RPL26L1: variants seen among roughly 807,000 people sequenced by gnomAD.
RPL26L1 encodes ribosomal protein L26 like 1, also known as ribosomal protein uL24-like.
Under a neutral mutation model 15.2 loss-of-function variants are expected in RPL26L1, and 8 were observed. The observed-to-expected ratio is 0.53, with a 90% CI of 0.31 to 0.95. RPL26L1 has a LOEUF of 0.95. Ranked by LOEUF, RPL26L1 falls within the 40% of genes least tolerant of loss-of-function variation. The pLI is 0.05. For missense variants in RPL26L1, 146 were observed against 190.9 expected (o/e 0.76, Z 1.39); for synonymous variants, 51 against 65.9 (o/e 0.77, Z 1.09).
chr5:172,959,367 C>A (rs1755124683), upstream of RPL26L1: 2 of 1,003,312 alleles, frequency 2.0e-6, no homozygotes, highest in East Asian at 9.8e-5. Flanking sequence ...CATTCGACTT[C>A]GCTCCTACGG....
intron 2 of RPL26L1, among the ~76,000 whole-genome samples, chr5:172,961,327 T>TA (rs1755227949): frequency 6.6e-6 from 1 of 152,144 alleles, no homozygotes; most frequent in South Asian, 2.1e-4. Flanking sequence ...TGCAAATACT[T>TA]ATAGGGGATA....
Position 172,962,745 on chromosome 5 carries a change from G to C in RPL26L1, c.168+2704G>C, listed in dbSNP as rs113741426. On this transcript the variant is annotated intron_variant, in intron 2 of 3. Coordinates refer to ENST00000265100, the MANE Select transcript of RPL26L1 (RefSeq NM_016093.4). The stretch of plus-strand genomic sequence containing the variant: ...GCAGGAGAATGGCGTGAACCCGGGA[G>C]GGGGAGCTTCCAATGAGCCAAGATC... Among the ~76,000 whole-genome samples the C allele has an allele frequency of 4.2e-3, 637 of 150,392 alleles. 2 individuals carry two copies. Among genetic ancestry groups the C allele is most frequent in the Non-Finnish European group, 7.4e-3 (499 of 67,676 alleles).
intron 3 of RPL26L1, 83 bp downstream of exon 3, chr5:172,968,682 C>G: frequency 6.5e-7 from 1 of 1,534,704 alleles, no homozygotes; most frequent in Non-Finnish European, 8.9e-7. Flanking sequence ...GTACTCCCTG[C>G]ACAGTTGGCT....
In RPL26L1 at chr5:172,962,245, G is replaced by A. The variant is rs138642308; in HGVS notation, c.168+2204G>A. ...TGGCAGGCTGGGCATGATGGCTCAC[G>A]CCTGTAATCCTAGCAGTTTGGGAGG... On this transcript the variant is annotated intron_variant, in intron 2 of 3. Coordinates refer to ENST00000265100, the MANE Select transcript of RPL26L1 (RefSeq NM_016093.4). Among the ~76,000 whole-genome samples, 1,411 of 152,320 alleles carry A rather than the reference G, an allele frequency of 9.3e-3. 22 individuals are homozygous for A. Among genetic ancestry groups the A allele is most frequent in the African/African-American group, 0.032 (1,334 of 41,578 alleles).
At chr5:172,960,092 G>A (rs778832455) in intron 2 of RPL26L1, 51 bp downstream of exon 2, 2 of 1,603,220 alleles carry the variant, frequency 1.2e-6, no homozygotes, top group Non-Finnish European at 8.5e-7. Context: ...GCCTAAGAAC[G>A]TCATGCGTGG....
At chr5:172,963,391 T>C (rs1328512762) in intron 2 of RPL26L1, among the ~76,000 whole-genome samples, 3 of 143,932 alleles carry the variant, frequency 2.1e-5, no homozygotes, top group African/African-American at 2.5e-5. Flanking sequence ...AAAAAAAAAA[T>C]CTAAAATCAT....
chr5:172,960,126 C>G, intron 2 of RPL26L1, 85 bp downstream of exon 2: 1 of 1,510,064 alleles, frequency 6.6e-7, no homozygotes, highest in Non-Finnish European at 9.2e-7. Flanking sequence ...TCACATGCCT[C>G]AGGACTCTGG....
upstream of RPL26L1, chr5:172,954,670 TTTGG>T (rs1195439085): frequency 7.9e-6 from 2 of 253,610 alleles, no homozygotes; most frequent in Non-Finnish European, 1.6e-5. Flanking sequence ...ACTGAAGATT[TTTGG>T]TTGGTTTATG....
intron 2 of RPL26L1, among the ~76,000 whole-genome samples, chr5:172,966,313 ATTTTTTT>A (rs386405707): frequency 4.2e-3 from 267 of 63,662 alleles, no homozygotes; most frequent in African/African-American, 0.016. Context: ...CTGGCTAACT[ATTTTTTT>A]TTTTTTTTTT....
intron 1 of RPL26L1, 29 bp downstream of exon 1, chr5:172,959,497 A>T (rs917755678): frequency 9.6e-7 from 1 of 1,040,942 alleles, no homozygotes; most frequent in East Asian, 7.9e-5. Flanking sequence ...TTTCTCGGAC[A>T]GTGAACTCTA....
chr5:172,961,271 T>G (rs1755225863), intron 2 of RPL26L1, among the ~76,000 whole-genome samples: 1 of 152,104 alleles, frequency 6.6e-6, no homozygotes, highest in African/African-American at 2.4e-5. Flanking sequence ...TTCAACCCCC[T>G]CTCTCCTGGA....
At chr5:172,965,629 A>T (rs775783301) in intron 2 of RPL26L1, among the ~76,000 whole-genome samples, 77 of 152,184 alleles carry the variant, frequency 5.1e-4, no homozygotes, top group Admixed American at 1.9e-3. Flanking sequence ...AGTCCCACAG[A>T]ATTTGACATT....
At chr5:172,960,116 TCA>T (rs2113525871) in intron 2 of RPL26L1, 75 bp downstream of exon 2, 1 of 1,546,496 alleles carries the variant, frequency 6.5e-7, no homozygotes, top group East Asian at 2.2e-5. Flanking sequence ...AGTCACAGAC[TCA>T]CATGCCTCAG....
upstream of RPL26L1, among the ~76,000 whole-genome samples, chr5:172,954,507 G>T (rs1178484210): frequency 6.6e-6 from 1 of 151,832 alleles, no homozygotes. Context: ...GGGGAGTGGT[G>T]GAGGCTGCAG....
rs926502430 is a variant in RPL26L1 at position 172,969,729 on chromosome 5, T to C, written c.*188T>C. ...ATGGGAAATGCTTCCTAATTCCACA[T>C]AGTATTTGCATTGTTTTATAAATAA... On this transcript the variant is annotated 3_prime_UTR_variant, in exon 4 of 4. Transcript: ENST00000265100. 6.1e-6 allele frequency: 3 copies of C among 488,514 alleles called. No homozygotes were observed. Among genetic ancestry groups the C allele is most frequent in the Non-Finnish European group, 1.1e-5 (3 of 271,678 alleles). 30.3% of individuals were successfully genotyped at this position (488,514 alleles called of 1,614,324 possible). A position where few individuals can be genotyped will look rare whatever the true frequency, so the allele number is the denominator to read the frequency against.
chr5:172,963,051 G>A (rs1258395233), intron 2 of RPL26L1, among the ~76,000 whole-genome samples: 3 of 152,008 alleles, frequency 2.0e-5, no homozygotes, highest in Admixed American at 6.6e-5. Context: ...AGTTAGCCAG[G>A]TGCTTACCAA....
At chr5:172,958,800 A>G, upstream of RPL26L1, 1 of 90,300 alleles carries the variant, frequency 1.1e-5, no homozygotes, top group Non-Finnish European at 2.6e-5. Context: ...AGAGGGCCAC[A>G]GGTGGGCGCG....
chr5:172,968,327 AT>A, intron 2 of RPL26L1, 131 bp from the exon 3 acceptor site: 1 of 1,198,506 alleles, frequency 8.3e-7, no homozygotes, highest in Non-Finnish European at 1.2e-6. Context: ...AAAGTAGCTA[AT>A]TTTTGACTGC....
In RPL26L1 at chr5:172,967,527, T is replaced by C. The variant is rs541090256; in HGVS notation, c.169-932T>C. 2.5e-4 allele frequency among the ~76,000 whole-genome samples: 38 copies of C among 152,258 alleles called. 1 individual carries two copies. Among genetic ancestry groups the C allele is most frequent in the Admixed American group, 2.1e-3 (32 of 15,290 alleles). ...AAGGAAACCCTAATCTAGTTGGTTT[T>C]TGAATAGAGTAGATTTTTAGTACAG... On this transcript the variant is annotated intron_variant, in intron 2 of 3. Transcript: ENST00000265100.
Sources: gnomAD v4.1 joint callset for allele counts (sites outside exome capture counted in the v4.1 genomes callset) on GRCh38, gnomAD v4.1.1 for gene constraint, MANE v1.5 for transcripts, NCBI Gene and HGNC (gene_info 2026-07-23, HGNC 2026-07-21) for gene names.